The following FBN1 variants were observed in gnomAD, a reference collection of about 807,000 sequenced individuals.
The protein encoded by FBN1 is fibrillin 1.
A neutral mutation model predicts 365.1 loss-of-function variants in FBN1; 29 were observed. The observed-to-expected ratio is 0.08, with a 90% CI of 0.06 to 0.11. FBN1 has a LOEUF of 0.11. Among genes scored for constraint, FBN1 ranks in the 10% least tolerant of loss-of-function variants. The probability of loss-of-function intolerance (pLI) is 1.00; values close to 1 mark genes in which losing one functional copy is unlikely to be tolerated. For synonymous variants in FBN1, 1,210 were observed against 1,270.5 expected, an observed-to-expected ratio of 0.95 and a Z score of 1.01; for missense variants, 2,476 against 3,703.2, an observed-to-expected ratio of 0.67 and a Z score of 8.60.
chr15:48,489,588 A>C (rs1412735581), intron 25 of FBN1, among the ~76,000 whole-genome samples: 1 of 152,202 alleles, frequency 6.6e-6, no homozygotes, highest in African/African-American at 2.4e-5. Flanking sequence ...AGTTCCTTTG[A>C]GTTTACGTAA....
intron 6 of FBN1, among the ~76,000 whole-genome samples, chr15:48,575,465 C>T (rs972997909): frequency 6.6e-6 from 1 of 152,072 alleles, no homozygotes; most frequent in Admixed American, 6.6e-5. Flanking sequence ...GCATTGTACC[C>T]AATAGGTAAT....
chr15:48,591,358 C>T (rs547171085), intron 6 of FBN1, among the ~76,000 whole-genome samples: 1 of 151,840 alleles, frequency 6.6e-6, no homozygotes, highest in East Asian at 1.9e-4. Flanking sequence ...AAGGCACCTC[C>T]AAAAAAGAGT....
chr15:48,536,230 A>AT (rs1002157080), intron 7 of FBN1, among the ~76,000 whole-genome samples: 3 of 152,106 alleles, frequency 2.0e-5, no homozygotes, highest in East Asian at 1.9e-4. Flanking sequence ...TATAAAAAAC[A>AT]TTTTTTTTCT....
At chr15:48,532,126 ATCT>A (rs1346385744) in intron 8 of FBN1, among the ~76,000 whole-genome samples, 2 of 152,348 alleles carry the variant, frequency 1.3e-5, no homozygotes, top group South Asian at 2.1e-4. Context: ...TTAAATTAGA[ATCT>A]TCTGTCTAGT....
intron 22 of FBN1, 146 bp from the exon 23 acceptor site, chr15:48,494,400 T>C (rs1435819015): frequency 2.3e-5 from 16 of 691,876 alleles, no homozygotes; most frequent in African/African-American, 5.3e-5. Flanking sequence ...GATAACAAAA[T>C]GTTTCTGCGA....
chr15:48,588,523 G>A (rs898179685), intron 6 of FBN1, among the ~76,000 whole-genome samples: 2 of 152,102 alleles, frequency 1.3e-5, no homozygotes, highest in Non-Finnish European at 2.9e-5. Context: ...TAAAAAAACT[G>A]TTTTTGAAGA....
At chr15:48,558,501 T>A (rs1379114044) in intron 6 of FBN1, among the ~76,000 whole-genome samples, 1 of 152,194 alleles carries the variant, frequency 6.6e-6, no homozygotes, top group Non-Finnish European at 1.5e-5. Flanking sequence ...CATAGTTTTT[T>A]TTGTTAAAGC....
At chr15:48,607,787 C>A (rs774716304) in intron 4 of FBN1, among the ~76,000 whole-genome samples, 3 of 152,120 alleles carry the variant, frequency 2.0e-5, no homozygotes, top group Admixed American at 6.5e-5. Flanking sequence ...GTGTTACAAG[C>A]TAATATATAT....
At chr15:48,414,481 G>A (rs1442703361) in intron 64 of FBN1, among the ~76,000 whole-genome samples, 1 of 152,116 alleles carries the variant, frequency 6.6e-6, no homozygotes, top group Non-Finnish European at 1.5e-5. Flanking sequence ...GTTAAAATGT[G>A]CACTTCCTCT....
intron 32 of FBN1, among the ~76,000 whole-genome samples, chr15:48,477,039 A>C (rs34215103): frequency 0.095 from 14,367 of 152,014 alleles, 844 homozygotes; most frequent in Non-Finnish European, 0.13. Flanking sequence ...AATATCTTCT[A>C]CTAAGCATAA....
intron 46 of FBN1, 63 bp downstream of exon 46, chr15:48,448,705 T>A (rs552341507): frequency 4.6e-6 from 7 of 1,506,792 alleles, no homozygotes; most frequent in Non-Finnish European, 6.4e-6. Flanking sequence ...ATTTTATCCA[T>A]ATTTAGAATC....
At chr15:48,449,529 C>T (rs998981287) in intron 45 of FBN1, among the ~76,000 whole-genome samples, 2 of 152,182 alleles carry the variant, frequency 1.3e-5, no homozygotes, top group African/African-American at 2.4e-5. Flanking sequence ...CATCTTGCTT[C>T]TGCCAGTCTT....
At position 48,510,162 on chromosome 15, in the gene FBN1, A is replaced by G; in HGVS notation, c.1596T>C (p.Asp532=). The G allele has an allele frequency of 1.2e-6, 2 of 1,613,202 alleles. No individual in the cohort carries two copies. ...AGATCCGGCCATTCTGTAAACACTC[A>G]TCAATGTCTAAAATCAAAGTTTAAA... is the stretch of plus-strand genomic sequence containing the variant. ...TLTRTECRDI[D]ECLQNGRICN... is the part of the protein sequence containing the mutation. Residue 532 remains aspartate (D), a synonymous_variant, in exon 14 of 66, where the codon GAT becomes GAC. Transcript: ENST00000316623.
intron 47 of FBN1, 74 bp downstream of exon 47, chr15:48,446,632 T>G: frequency 1.1e-6 from 1 of 885,890 alleles, no homozygotes; most frequent in Non-Finnish European, 1.9e-6. Flanking sequence ...GCTGGAACAC[T>G]AGAGATGATG....
In FBN1 at chr15:48,444,562, G is replaced by T; in HGVS notation, c.6016C>A (p.Leu2006Ile). The part of the protein sequence containing the change: ...YRCICPPGYS[L>I]QNEKCEDIDE... ...CTACCTTCACACTTCTCATTTTGAA[G>T]ACTGTATCCAGGTGGGCAAATGCAT... is the stretch of plus-strand genomic sequence containing the variant. Residue 2006 changes from leucine to isoleucine, a missense_variant, in exon 49 of 66, where the codon CTT becomes ATT. Physicochemically the swap from Leu to Ile is conservative, Grantham distance 5 (BLOSUM62 2). Coordinates refer to ENST00000316623, the MANE Select transcript of FBN1 (RefSeq NM_000138.5). The T allele has an allele frequency of 6.2e-7, 1 of 1,613,516 alleles. No individual in the cohort carries two copies. The highest frequency in any genetic ancestry group is 1.1e-5 in the South Asian group (1 of 91,084).
At chr15:48,601,739 G>A (rs536929678) in intron 4 of FBN1, among the ~76,000 whole-genome samples, 1 of 152,314 alleles carries the variant, frequency 6.6e-6, no homozygotes, top group Non-Finnish European at 1.5e-5. Flanking sequence ...TGCCAACAGG[G>A]AAGGAAAGTG....
chr15:48,469,746 G>C (rs2043355596), intron 36 of FBN1, among the ~76,000 whole-genome samples: 1 of 152,084 alleles, frequency 6.6e-6, no homozygotes, highest in Non-Finnish European at 1.5e-5. Flanking sequence ...GTGATCTGGG[G>C]CACGCAGGAC....
chr15:48,484,473 G>A (rs551286535), intron 30 of FBN1, among the ~76,000 whole-genome samples: 1 of 151,958 alleles, frequency 6.6e-6, no homozygotes, highest in East Asian at 1.9e-4. Context: ...CCAGGTTCAA[G>A]CGATTCTCCT....
chr15:48,639,506 G>A (rs927821718), intron 2 of FBN1, among the ~76,000 whole-genome samples: 2 of 152,168 alleles, frequency 1.3e-5, no homozygotes, highest in Non-Finnish European at 2.9e-5. Flanking sequence ...GGGTTATGGG[G>A]TATATGTCTC....
Sources: gnomAD v4.1 joint callset for allele counts (sites outside exome capture counted in the v4.1 genomes callset) on GRCh38, gnomAD v4.1.1 for gene constraint, MANE v1.5 for transcripts, NCBI Gene and HGNC (gene_info 2026-07-23, HGNC 2026-07-21) for gene names.